Variants in PCDH15 observed in about 807,000 individuals in gnomAD.
PCDH15 encodes the protein protocadherin related 15, also known as protocadherin-15.
In PCDH15, 129 loss-of-function variants were observed where a neutral mutation model predicts 178.5. The ratio of observed to expected loss-of-function variants is 0.72; its 90% CI spans 0.63 to 0.84. The LOEUF (loss-of-function observed/expected upper bound fraction) is 0.84, where lower values mean the gene tolerates loss of function less well. Among genes scored for constraint, PCDH15 ranks in the 40% least tolerant of loss-of-function variants. The pLI is 0.00. For missense variants in PCDH15, 2,230 were observed against 2,099.9 expected (o/e 1.06, Z -1.21); for synonymous variants, 800 against 732.0 (o/e 1.09, Z -1.50).
At chr10:54,731,886 G>A (rs997525661) in intron 1 of PCDH15, among the ~76,000 whole-genome samples, 2 of 150,846 alleles carry the variant, frequency 1.3e-5, no homozygotes, top group Admixed American at 6.7e-5. Context: ...GTGTTTGATA[G>A]ATCAATAGGG....
intron 35 of PCDH15, among the ~76,000 whole-genome samples, chr10:53,812,322 C>T (rs1010653652): frequency 2.6e-5 from 4 of 152,246 alleles, no homozygotes; most frequent in Admixed American, 1.3e-4. Flanking sequence ...ATTCTCCTGC[C>T]TCAGCCTCCC....
chr10:54,107,048 G>C (rs1200276015), intron 15 of PCDH15, among the ~76,000 whole-genome samples: 1 of 151,918 alleles, frequency 6.6e-6, no homozygotes, highest in South Asian at 2.1e-4. Flanking sequence ...ATCTATCTCA[G>C]CTGTCTATCT....
chr10:54,394,937 T>C (rs1434888704), intron 3 of PCDH15, among the ~76,000 whole-genome samples: 1 of 152,180 alleles, frequency 6.6e-6, no homozygotes, highest in Non-Finnish European at 1.5e-5. Context: ...TCTGCCCAGC[T>C]CACCGGTGGT....
chr10:54,393,937 G>A (rs73249941), intron 3 of PCDH15, among the ~76,000 whole-genome samples: 4,977 of 152,052 alleles, frequency 0.033, 292 homozygotes, highest in African/African-American at 0.11. Flanking sequence ...CTCATATCAC[G>A]TGGTACTCCA....
intron 1 of PCDH15, among the ~76,000 whole-genome samples, chr10:54,678,928 C>T (rs1286602890): frequency 1.3e-5 from 2 of 152,098 alleles, no homozygotes; most frequent in Non-Finnish European, 2.9e-5. Flanking sequence ...CGGTGGCTCA[C>T]GCCTGTAATC....
intron 26 of PCDH15, among the ~76,000 whole-genome samples, chr10:53,898,367 T>C (rs12571882): frequency 0.021 from 3,258 of 152,284 alleles, 101 homozygotes; most frequent in East Asian, 0.13. Flanking sequence ...TTATTTTAAG[T>C]ATATAGTAAG....
At chr10:55,155,707 T>C (rs1215249835) in intron 2 of PCDH15, among the ~76,000 whole-genome samples, 1 of 152,064 alleles carries the variant, frequency 6.6e-6, no homozygotes, top group African/African-American at 2.4e-5. Context: ...CTTAAAGAGT[T>C]TGTCTACATG....
intron 18 of PCDH15, among the ~76,000 whole-genome samples, chr10:54,028,631 C>A (rs1361002605): frequency 6.7e-6 from 1 of 148,434 alleles, no homozygotes; most frequent in Admixed American, 6.7e-5. Flanking sequence ...AGTTCATGTC[C>A]TTTGTAGGGA....
intron 2 of PCDH15, among the ~76,000 whole-genome samples, chr10:55,434,072 C>CTTTTTT (rs1316162910): frequency 1.2e-5 from 1 of 84,008 alleles, no homozygotes; most frequent in African/African-American, 5.4e-5. Context: ...TTTTTCTTTT[C>CTTTTTT]TTTTCTTTTT....
chr10:55,051,531 C>T (rs1203909769), intron 2 of PCDH15, among the ~76,000 whole-genome samples: 2 of 152,034 alleles, frequency 1.3e-5, no homozygotes, highest in African/African-American at 4.8e-5. Flanking sequence ...TTCCCGAATT[C>T]CAGTTATCCT....
intron 1 of PCDH15, among the ~76,000 whole-genome samples, chr10:55,267,048 C>T (rs953612179): frequency 2.6e-5 from 4 of 151,994 alleles, no homozygotes; most frequent in East Asian, 3.9e-4. Flanking sequence ...GCACTACCAT[C>T]GCATGCACTG....
chr10:54,023,123 G>A lies in PCDH15; in HGVS notation c.2295C>T (p.Ile765=), dbSNP rs1589966639. Reference sequence around the variant, plus strand: ...CTGTGTAAATGCTCCCATTGGATGTGATACGAAAAAGATTATTAAAGTTAC... The same window carrying A: ...CTGTGTAAATGCTCCCATTGGATGTAATACGAAAAAGATTATTAAAGTTAC... ...SLGNFNNLFR[I]TSNGSIYTAV... The change falls in exon 19 of 38, where the codon ATC becomes ATT. Residue 765 remains isoleucine (I), a synonymous_variant. Coordinates refer to ENST00000644397, the MANE Select transcript of PCDH15 (RefSeq NM_001384140.1). 6.2e-7 allele frequency: 1 copy of A among 1,613,824 alleles called. No individual in the cohort carries two copies. The highest frequency in any genetic ancestry group is 1.1e-5 in the South Asian group (1 of 91,076).
At chr10:55,569,011 C>T (rs962572633) in intron 2 of PCDH15, among the ~76,000 whole-genome samples, 3 of 151,976 alleles carry the variant, frequency 2.0e-5, no homozygotes, top group Non-Finnish European at 4.4e-5. Flanking sequence ...TTGCAGAAAG[C>T]ACTCCCTAAT....
chr10:54,240,633 T>C (rs1463856387), intron 8 of PCDH15, among the ~76,000 whole-genome samples: 3 of 136,194 alleles, frequency 2.2e-5, no homozygotes, highest in African/African-American at 8.3e-5. Context: ...TTGCTTTTTT[T>C]TTTTTTTTTT....
intron 3 of PCDH15, among the ~76,000 whole-genome samples, chr10:54,412,112 G>A (rs1953619278): frequency 6.6e-6 from 1 of 151,702 alleles, no homozygotes; most frequent in Non-Finnish European, 1.5e-5. Flanking sequence ...AAGAGCCTGA[G>A]GAACTGACAA....
rs191141796 is a variant in PCDH15, at chr10:54,424,411, G to A, written c.158-45469C>T. ...TAGGAACACTTTTACACTGTTGGTG[G>A]GACTGTAAACTAGTTCAACCATTGT... is the stretch of plus-strand genomic sequence containing the variant. On this transcript the variant is annotated intron_variant, in intron 3 of 37. Transcript: ENST00000644397. Among the ~76,000 whole-genome samples, 362 of 151,896 alleles carry A rather than the reference G, an allele frequency of 2.4e-3. 13 individuals are homozygous for A. Among genetic ancestry groups the A allele is most frequent in the African/African-American group, 7.8e-3 (323 of 41,258 alleles).
rs190123154 is a variant in PCDH15 at position 54,127,403 on chromosome 10, G to T, written c.1917+5472C>A. 3.7e-4 allele frequency among the ~76,000 whole-genome samples: 57 copies of T among 152,250 alleles called. No homozygotes were observed. The East Asian group carries it at 5.4e-3, about 14-fold the overall frequency. On this transcript the variant is annotated intron_variant, in intron 15 of 37. Coordinates refer to ENST00000644397, the MANE Select transcript of PCDH15 (RefSeq NM_001384140.1). The stretch of plus-strand genomic sequence containing the variant: ...GTAAGTGATTGTTCTTTTCAATCAG[G>T]CACACACTCACTGCTGATAACTGCA...
chr10:55,548,229 C>T (rs1841933678), intron 2 of PCDH15, among the ~76,000 whole-genome samples: 1 of 151,440 alleles, frequency 6.6e-6, no homozygotes, highest in South Asian at 2.1e-4. Context: ...CACACACACA[C>T]ACACACACAC....
At chr10:54,966,545 T>C (rs10763158) in intron 2 of PCDH15, among the ~76,000 whole-genome samples, 52,847 of 151,832 alleles carry the variant, frequency 0.35, 9,909 homozygotes, top group East Asian at 0.69. Flanking sequence ...AACAAAATGG[T>C]AAGTAATAAT....
Sources: gnomAD v4.1 joint callset for allele counts (sites outside exome capture counted in the v4.1 genomes callset) on GRCh38, gnomAD v4.1.1 for gene constraint, MANE v1.5 for transcripts, NCBI Gene and HGNC (gene_info 2026-07-23, HGNC 2026-07-21) for gene names.